GRIN2A: variants seen among roughly 807,000 people sequenced by gnomAD.
GRIN2A encodes glutamate ionotropic receptor NMDA type subunit 2A.
In GRIN2A, 22 loss-of-function variants were observed where a neutral mutation model predicts 113.4. The ratio of observed to expected loss-of-function variants is 0.19; its 90% CI spans 0.14 to 0.28. The LOEUF is 0.28. Ranked by LOEUF, GRIN2A falls within the 10% of genes least tolerant of loss-of-function variation. The pLI is 1.00. For missense variants in GRIN2A, 1,502 were observed against 1,887.0 expected, an observed-to-expected ratio of 0.80 and a Z score of 3.78; for synonymous variants, 827 against 738.4, an observed-to-expected ratio of 1.12 and a Z score of -1.94.
At chr16:10,005,582 C>T (rs564440900) in intron 2 of GRIN2A, among the ~76,000 whole-genome samples, 72 of 152,324 alleles carry the variant, frequency 4.7e-4, no homozygotes, top group Non-Finnish European at 8.8e-4. Flanking sequence ...ATATTACTCA[C>T]TTCCATCTGA....
chr16:10,025,281 G>T (rs1416879078), intron 2 of GRIN2A, among the ~76,000 whole-genome samples: 1 of 146,598 alleles, frequency 6.8e-6, no homozygotes, highest in Non-Finnish European at 1.5e-5. Flanking sequence ...CCAGATCAGG[G>T]ACGCAGCAGG....
At chr16:9,875,807 C>T (rs1350285878) in intron 4 of GRIN2A, among the ~76,000 whole-genome samples, 2 of 152,136 alleles carry the variant, frequency 1.3e-5, no homozygotes, top group Non-Finnish European at 2.9e-5. Flanking sequence ...GGACTTGGTC[C>T]TAACTTAGGT....
intron 2 of GRIN2A, among the ~76,000 whole-genome samples, chr16:10,102,660 C>T (rs1022200319): frequency 1.3e-5 from 2 of 152,062 alleles, no homozygotes; most frequent in Admixed American, 6.5e-5. Context: ...AATTCTTGTG[C>T]CTCAGCCTCC....
intron 2 of GRIN2A, among the ~76,000 whole-genome samples, chr16:10,045,422 TTTGCACTG>T (rs1345134879): frequency 6.6e-6 from 1 of 152,190 alleles, no homozygotes; most frequent in Non-Finnish European, 1.5e-5. Context: ...ATTTTTTTTT[TTTGCACTG>T]GCTCCCGAAT....
chr16:9,788,187 C>T (rs897818147), intron 11 of GRIN2A, among the ~76,000 whole-genome samples: 1 of 152,140 alleles, frequency 6.6e-6, no homozygotes, highest in African/African-American at 2.4e-5. Context: ...TTCTTTGCCT[C>T]TCTCTCCCTT....
At chr16:10,053,444 T>C (rs2047392780) in intron 2 of GRIN2A, among the ~76,000 whole-genome samples, 1 of 152,248 alleles carries the variant, frequency 6.6e-6, no homozygotes, top group Non-Finnish European at 1.5e-5. Context: ...AGAGAAGAGC[T>C]GGAGCTTAAA....
chr16:9,818,246 T>A (rs1424465985), intron 10 of GRIN2A, among the ~76,000 whole-genome samples: 1 of 151,952 alleles, frequency 6.6e-6, no homozygotes, highest in Non-Finnish European at 1.5e-5. Flanking sequence ...CGGATCTTGG[T>A]GTAGCTCTGT....
At chr16:10,090,201 T>A (rs1343300856) in intron 2 of GRIN2A, among the ~76,000 whole-genome samples, 2 of 150,912 alleles carry the variant, frequency 1.3e-5, no homozygotes, top group Admixed American at 6.6e-5. Context: ...GAGGGAGGGG[T>A]TTCCAGTAGC....
chr16:9,791,950 T>C (rs7195942), intron 11 of GRIN2A, among the ~76,000 whole-genome samples: 1 of 151,626 alleles, frequency 6.6e-6, no homozygotes, highest in African/African-American at 2.4e-5. Flanking sequence ...TTGCAGGAAG[T>C]TTCCTTATTA....
intron 2 of GRIN2A, among the ~76,000 whole-genome samples, chr16:10,133,410 C>A (rs1178344071): frequency 6.6e-6 from 1 of 152,196 alleles, no homozygotes; most frequent in Non-Finnish European, 1.5e-5. Context: ...GAGTTCGAGA[C>A]CAGCCTGGCC....
At chr16:9,780,485 C>A (rs994993155) in intron 11 of GRIN2A, among the ~76,000 whole-genome samples, 1 of 152,124 alleles carries the variant, frequency 6.6e-6, no homozygotes, top group African/African-American at 2.4e-5. Flanking sequence ...ATGATTCCAC[C>A]ATTTATTTGA....
At chr16:10,067,746 C>G (rs760343936) in intron 2 of GRIN2A, among the ~76,000 whole-genome samples, 1 of 152,032 alleles carries the variant, frequency 6.6e-6, no homozygotes, top group Non-Finnish European at 1.5e-5. Context: ...CCACCCCCAC[C>G]CCAAGGGACA....
chr16:9,967,443 C>T (rs765277686), intron 2 of GRIN2A, among the ~76,000 whole-genome samples: 1 of 152,162 alleles, frequency 6.6e-6, no homozygotes, highest in Non-Finnish European at 1.5e-5. Flanking sequence ...CAGTGACTCA[C>T]GCCTGTAATC....
intron 2 of GRIN2A, among the ~76,000 whole-genome samples, chr16:10,138,911 A>G (rs904083121): frequency 1.3e-5 from 2 of 152,232 alleles, no homozygotes; most frequent in Non-Finnish European, 2.9e-5. Context: ...TTAAGTGCTG[A>G]GAGAACATCA....
At chr16:9,947,110 A>G (rs1406177453) in intron 2 of GRIN2A, among the ~76,000 whole-genome samples, 1 of 152,108 alleles carries the variant, frequency 6.6e-6, no homozygotes, top group Non-Finnish European at 1.5e-5. Context: ...AGGGTAGTGC[A>G]TCTCTCTTCA....
At chr16:9,822,141 T>G in intron 10 of GRIN2A, 123 bp downstream of exon 10, 1 of 1,060,858 alleles carries the variant, frequency 9.4e-7, no homozygotes. Context: ...GGGGCCCATC[T>G]GGACCACAGT....
At chr16:9,864,013 A>T (rs2043118155) in intron 4 of GRIN2A, among the ~76,000 whole-genome samples, 3 of 152,170 alleles carry the variant, frequency 2.0e-5, no homozygotes, top group Admixed American at 2.0e-4. Context: ...TGAGAACTTG[A>T]CCTAAGGACA....
At chr16:9,795,086 C>T (rs1179047531) in intron 11 of GRIN2A, among the ~76,000 whole-genome samples, 3 of 151,940 alleles carry the variant, frequency 2.0e-5, no homozygotes, top group Non-Finnish European at 2.9e-5. Flanking sequence ...GCGTGTGAAC[C>T]AGAACACTCC....
intron 3 of GRIN2A, among the ~76,000 whole-genome samples, chr16:9,916,637 T>C (rs2044256088): frequency 6.6e-6 from 1 of 152,160 alleles, no homozygotes; most frequent in Non-Finnish European, 1.5e-5. Context: ...GATGCAGCCT[T>C]CTTCACTAGG....
Sources: gnomAD v4.1 joint callset for allele counts (sites outside exome capture counted in the v4.1 genomes callset) on GRCh38, gnomAD v4.1.1 for gene constraint, MANE v1.5 for transcripts, NCBI Gene and HGNC (gene_info 2026-07-23, HGNC 2026-07-21) for gene names.